STXBP5: variants seen among roughly 807,000 people sequenced by gnomAD.
STXBP5 encodes the protein syntaxin binding protein 5, also known as syntaxin-binding protein 5.
Under a neutral mutation model 152.4 loss-of-function variants are expected in STXBP5, and 50 were observed. The ratio of observed to expected loss-of-function variants is 0.33; its 90% CI spans 0.26 to 0.42. The LOEUF (loss-of-function observed/expected upper bound fraction) is 0.42, where lower values mean the gene tolerates loss of function less well. Among genes scored for constraint, STXBP5 ranks in the 10% least tolerant of loss-of-function variants. The pLI, the probability that STXBP5 is intolerant of heterozygous loss-of-function variation, is 1.00. For missense variants in STXBP5, 1,167 were observed against 1,388.6 expected (o/e 0.84, Z 2.54); for synonymous variants, 492 against 494.7 (o/e 0.99, Z 0.07).
intron 9 of STXBP5, among the ~76,000 whole-genome samples, chr6:147,308,688 G>A (rs1027060542): frequency 2.0e-5 from 3 of 152,056 alleles, no homozygotes; most frequent in South Asian, 2.1e-4. Flanking sequence ...AAAGTATTAT[G>A]TACACAAGCA....
intron 9 of STXBP5, among the ~76,000 whole-genome samples, chr6:147,299,105 A>C (rs1582908848): frequency 6.6e-6 from 1 of 152,026 alleles, no homozygotes; most frequent in Non-Finnish European, 1.5e-5. Flanking sequence ...GAAAAGTTAA[A>C]ATCAAACCTT....
chr6:147,213,053 A>G (rs1404499951), intron 2 of STXBP5, among the ~76,000 whole-genome samples: 1 of 152,188 alleles, frequency 6.6e-6, no homozygotes, highest in Admixed American at 6.5e-5. Context: ...ATTTATTAAT[A>G]GAGACTGTCT....
chr6:147,248,280 C>CAAAA (rs753458821), intron 4 of STXBP5, among the ~76,000 whole-genome samples: 1 of 52,594 alleles, frequency 1.9e-5, no homozygotes. Context: ...GACTCCATCT[C>CAAAA]AAAAAAAAAA....
rs11370591 is a variant in STXBP5 at position 147,287,194 on chromosome 6, A to ATTTTT, written c.839-3878_839-3874dup. ...TAGTTCAATAATAACTTAATTGTAC[A>ATTTTT]TTTTTTTTTTTTTTTTTTTTTTTTT... is the stretch of plus-strand genomic sequence containing the variant. On this transcript the variant is annotated intron_variant, in intron 8 of 27. Coordinates refer to ENST00000321680, the MANE Select transcript of STXBP5 (RefSeq NM_001127715.4). Among the ~76,000 whole-genome samples, 9 of 75,256 alleles carry ATTTTT rather than the reference A, an allele frequency of 1.2e-4. 2 individuals carry two copies. Among genetic ancestry groups the ATTTTT allele is most frequent in the Admixed American group, 6.1e-4 (3 of 4,910 alleles). 49.4% of individuals were successfully genotyped at this position (75,256 alleles called of 152,430 possible). A position where few individuals can be genotyped will look rare whatever the true frequency, so the allele number is the denominator to read the frequency against.
chr6:147,351,936 C>A, intron 21 of STXBP5: 1 of 965,154 alleles, frequency 1.0e-6, no homozygotes, highest in South Asian at 4.8e-5. Flanking sequence ...AAAATTTAAC[C>A]TAATATATTC....
chr6:147,335,056 C>G (rs1357370588), intron 19 of STXBP5, among the ~76,000 whole-genome samples: 1 of 152,016 alleles, frequency 6.6e-6, no homozygotes, highest in East Asian at 1.9e-4. Context: ...TTTATGTTTG[C>G]CTTTTACAAT....
intron 4 of STXBP5, among the ~76,000 whole-genome samples, chr6:147,246,767 A>G (rs55758181): frequency 6.6e-6 from 1 of 152,168 alleles, no homozygotes; most frequent in Admixed American, 6.5e-5. Flanking sequence ...TCAAGACTTT[A>G]TAACTTAAAT....
chr6:147,258,595 G>A (rs1478963951), intron 4 of STXBP5, among the ~76,000 whole-genome samples: 1 of 151,978 alleles, frequency 6.6e-6, no homozygotes, highest in Non-Finnish European at 1.5e-5. Context: ...CACCTCGCCT[G>A]GCTAATCTTT....
chr6:147,226,408 G>C (rs1279724394), intron 2 of STXBP5, among the ~76,000 whole-genome samples: 1 of 152,130 alleles, frequency 6.6e-6, no homozygotes, highest in Admixed American at 6.6e-5. Flanking sequence ...TCCAGCCTTT[G>C]GGAGTAAAAA....
chr6:147,331,680 T>C (rs1487647096), intron 18 of STXBP5, among the ~76,000 whole-genome samples: 3 of 152,094 alleles, frequency 2.0e-5, no homozygotes, highest in African/African-American at 7.2e-5. Context: ...AATATGTTAA[T>C]GTGAGAAGTT....
At chr6:147,346,873 T>G (rs1784362713) in intron 21 of STXBP5, among the ~76,000 whole-genome samples, 1 of 152,204 alleles carries the variant, frequency 6.6e-6, no homozygotes, top group Non-Finnish European at 1.5e-5. Context: ...AACAGCAGGC[T>G]TTCCAGGACT....
At chr6:147,215,913 T>G (rs1344665322) in intron 2 of STXBP5, among the ~76,000 whole-genome samples, 1 of 152,146 alleles carries the variant, frequency 6.6e-6, no homozygotes, top group Admixed American at 6.5e-5. Flanking sequence ...ATACTTGCCT[T>G]TGTAGCTTTT....
chr6:147,335,684 C>G (rs948397118), intron 19 of STXBP5, among the ~76,000 whole-genome samples: 3 of 151,978 alleles, frequency 2.0e-5, no homozygotes, highest in Non-Finnish European at 4.4e-5. Context: ...CCTGTAGTCC[C>G]AGCTACTCGG....
chr6:147,351,045 G>C (rs2128405933), intron 21 of STXBP5, among the ~76,000 whole-genome samples: 1 of 152,192 alleles, frequency 6.6e-6, no homozygotes, highest in Middle Eastern at 3.4e-3. Context: ...AATGTTTTTG[G>C]TGGGCCTAAT....
At chr6:147,213,477 T>TGCGCGCGCGCGCGCGCGCGCGC (rs1554282764) in intron 2 of STXBP5, among the ~76,000 whole-genome samples, 40 of 131,320 alleles carry the variant, frequency 3.0e-4, no homozygotes, top group Non-Finnish European at 5.1e-4. Flanking sequence ...TGTGTGTGTG[T>TGCGCGCGCGCGCGCGCGCGCGC]GCGCGCGCAT....
intron 4 of STXBP5, among the ~76,000 whole-genome samples, chr6:147,250,659 T>C (rs1779040254): frequency 2.6e-5 from 4 of 152,098 alleles, no homozygotes; most frequent in African/African-American, 9.7e-5. Flanking sequence ...CTGGGTGTGT[T>C]TGGGAGCAGA....
chr6:147,251,126 G>C (rs1229738862), intron 4 of STXBP5, among the ~76,000 whole-genome samples: 1 of 152,182 alleles, frequency 6.6e-6, no homozygotes, highest in Non-Finnish European at 1.5e-5. Context: ...AGTGGGTGCA[G>C]TCCACAGAGA....
intron 23 of STXBP5, 105 bp from the exon 24 acceptor site, chr6:147,363,230 C>A: frequency 8.4e-7 from 1 of 1,188,290 alleles, no homozygotes; most frequent in Non-Finnish European, 1.1e-6. Context: ...GTTCAATATG[C>A]GTTCAGCATA....
At chr6:147,233,740 C>T (rs962170982) in intron 2 of STXBP5, among the ~76,000 whole-genome samples, 3 of 151,556 alleles carry the variant, frequency 2.0e-5, no homozygotes, top group Admixed American at 6.6e-5. Context: ...TGGCCTATCA[C>T]GGTGTGATTT....
Sources: allele counts gnomAD v4.1 joint callset (sites outside exome capture counted in the v4.1 genomes callset), GRCh38; gene constraint gnomAD v4.1.1; transcripts MANE v1.5; gene names NCBI Gene and HGNC (gene_info 2026-07-23, HGNC 2026-07-21).